The following LMTK2 variants were observed in gnomAD, a reference collection of about 807,000 sequenced individuals.
LMTK2 encodes serine/threonine-protein kinase LMTK2.
Under a neutral mutation model 127.5 loss-of-function variants are expected in LMTK2, and 37 were observed. The ratio of observed to expected loss-of-function variants is 0.29; its 90% confidence interval spans 0.22 to 0.38. The LOEUF (loss-of-function observed/expected upper bound fraction) is 0.38. Among genes scored for constraint, LMTK2 ranks in the 10% least tolerant of loss-of-function variants. The pLI, the probability that LMTK2 is intolerant of heterozygous loss-of-function variation, is 1.00. For synonymous variants in LMTK2, 819 were observed against 810.1 expected (o/e 1.01, Z -0.19); for missense variants, 1,694 against 1,920.3 (o/e 0.88, Z 2.20).
Position 98,205,579 on chromosome 7 carries a change from C to A in LMTK2, c.*87C>A. ...CTCAGCCCGAGCAGCGACATCCACTCGCCATTTGCTGACATGAGATTGGGA... is the reference window on the plus strand; with the variant it reads ...CTCAGCCCGAGCAGCGACATCCACTAGCCATTTGCTGACATGAGATTGGGA... On this transcript the variant is annotated 3_prime_UTR_variant, in exon 14 of 14. Transcript: ENST00000297293. The A allele has an allele frequency of 1.5e-6, 2 of 1,374,366 alleles. No individual in the cohort carries two copies. The highest frequency in any genetic ancestry group is 1.2e-5 in the South Asian group (1 of 84,414). The allele number at this position is 1,374,366 out of a possible 1,614,324, so 85.1% of individuals were successfully genotyped here.
intron 9 of LMTK2, 68 bp from the exon 10 acceptor site, chr7:98,190,660 A>C: frequency 7.0e-7 from 1 of 1,423,712 alleles, no homozygotes; most frequent in Non-Finnish European, 9.9e-7. Context: ...TGGCTATGTA[A>C]CAAGTATGAG....
intron 1 of LMTK2, among the ~76,000 whole-genome samples, chr7:98,125,632 G>T (rs997235200): frequency 6.6e-6 from 1 of 152,158 alleles, no homozygotes; most frequent in African/African-American, 2.4e-5. Context: ...CTGGATACCT[G>T]AGTATCTGGA....
In LMTK2 at chr7:98,148,752, G is replaced by T. The variant is rs1198115367; in HGVS notation, c.377-2630G>T. The stretch of plus-strand genomic sequence containing the variant: ...GTCTAGGTCTTTGCAGATTGACTCT[G>T]CTGGGGCACTCCTTCAACACCTAGC... On this transcript the variant is annotated intron_variant, in intron 3 of 13. Transcript: ENST00000297293. Among the ~76,000 whole-genome samples, 2 of 152,302 alleles carry T rather than the reference G, an allele frequency of 1.3e-5. 1 individual carries two copies. Among genetic ancestry groups the T allele is most frequent in the African/African-American group, 4.8e-5 (2 of 41,562 alleles).
At chr7:98,186,599 GTC>G (rs567803582) in intron 8 of LMTK2, among the ~76,000 whole-genome samples, 21 of 152,290 alleles carry the variant, frequency 1.4e-4, no homozygotes, top group African/African-American at 5.1e-4. Context: ...TTTGCTCAGA[GTC>G]TATGTTATAT....
At chr7:98,198,699 C>T (rs879459435) in intron 11 of LMTK2, among the ~76,000 whole-genome samples, 28 of 152,212 alleles carry the variant, frequency 1.8e-4, no homozygotes, top group South Asian at 2.1e-4. Context: ...AGGCTGGTCT[C>T]GAATTCCTGA....
At chr7:98,201,559 T>G (rs572588988) in intron 11 of LMTK2, among the ~76,000 whole-genome samples, 7 of 152,244 alleles carry the variant, frequency 4.6e-5, no homozygotes, top group African/African-American at 1.4e-4. Context: ...CTTTCAGCAG[T>G]TTGATTATGG....
Position 98,171,574 on chromosome 7 carries a change from G to T in LMTK2, c.691G>T (p.Glu231Ter). Residue 231 changes from glutamate to a stop codon, truncating the protein, a stop_gained, in exon 7 of 14, where the codon GAG becomes TAG. Coordinates refer to ENST00000297293, the MANE Select transcript of LMTK2 (RefSeq NM_014916.4). LOFTEE classifies it high-confidence loss of function. This position sits in a 1 kb window ranked among gnomAD's most constrained non-coding sequence, Gnocchi z 5.1. ...GAAGGCGTATCTGCGCAGCGAGCAG[G>T]AGCACATGCGGGGGGACTCACAGAC... ...DLKAYLRSEQEHMRGDSQTML... is the reference protein window; with the variant it reads ...DLKAYLRSEQ 1 of 1,613,902 alleles carries T rather than the reference G, an allele frequency of 6.2e-7. No individual in the cohort carries two copies. The highest frequency in any genetic ancestry group is 8.5e-7 in the Non-Finnish European group (1 of 1,180,014).
At chr7:98,177,567 A>G (rs1295098892) in intron 7 of LMTK2, among the ~76,000 whole-genome samples, 1 of 152,208 alleles carries the variant, frequency 6.6e-6, no homozygotes, top group Admixed American at 6.5e-5. Flanking sequence ...TGGCACGATC[A>G]TGGCTCACTT....
chr7:98,109,288 A>T (rs763014153), intron 1 of LMTK2, among the ~76,000 whole-genome samples: 7 of 152,252 alleles, frequency 4.6e-5, no homozygotes, highest in Non-Finnish European at 1.0e-4. Flanking sequence ...AAATAGAGAT[A>T]TCAAATCTTG....
chr7:98,173,115 A>G (rs746062434), intron 7 of LMTK2, among the ~76,000 whole-genome samples: 9 of 152,140 alleles, frequency 5.9e-5, no homozygotes, highest in Non-Finnish European at 1.0e-4. Context: ...GTGTGATTCC[A>G]TTTCTTAAGT....
rs1425421608 is a variant in LMTK2, at chr7:98,209,428, C to CA, written c.*3937dup. 6.6e-6 allele frequency: 1 copy of CA among 152,308 alleles called. No homozygotes were observed. Among genetic ancestry groups the CA allele is most frequent in the African/African-American group, 2.4e-5 (1 of 41,556 alleles). 9.4% of individuals were successfully genotyped at this position (152,308 alleles called of 1,614,324 possible). A position where few individuals can be genotyped will look rare whatever the true frequency, so the allele number is the denominator to read the frequency against. On this transcript the variant is annotated 3_prime_UTR_variant, in exon 14 of 14. Transcript: ENST00000297293. ...CAGAGGAGGACGTAGGGGGCCGTCA[C>CA]ACCCACCAGGCCTCCCTGCTGTGCT...
At chr7:98,198,291 A>AGCAATTCTCCTGCCTCCAC (rs1797659037) in intron 11 of LMTK2, among the ~76,000 whole-genome samples, 2 of 151,886 alleles carry the variant, frequency 1.3e-5, no homozygotes. Flanking sequence ...CCCGCGTTCA[A>AGCAATTCTCCTGCCTCCAC]GCAATTCTCC....
chr7:98,191,540 A>C, intron 10 of LMTK2, 74 bp from the exon 11 acceptor site: 1 of 1,247,604 alleles, frequency 8.0e-7, no homozygotes, highest in Non-Finnish European at 1.1e-6. Context: ...TGACAGAGCA[A>C]GACTCCGTCT....
At chr7:98,129,617 C>G (rs1796493674) in intron 1 of LMTK2, among the ~76,000 whole-genome samples, 1 of 151,832 alleles carries the variant, frequency 6.6e-6, no homozygotes, top group East Asian at 1.9e-4. Flanking sequence ...CCTCCTACCT[C>G]AGCCTCCCAA....
rs1175240383 is a variant in LMTK2, at chr7:98,154,831, A to C, written c.524A>C (p.Asn175Thr). ...VIVKELKASA[N>T]PKEQDTFLKN... is the part of the protein sequence containing the mutation. ...GTGAAGGAGTTAAAAGCAAGTGCCA[A>C]CCCAAAGGAACAAGATACTTTTTTG... The change falls in exon 5 of 14, where the codon AAC becomes ACC. Residue 175 changes from asparagine (N) to threonine (T), a missense_variant. Asn to Thr is a moderately conservative substitution (Grantham distance 65). Transcript: ENST00000297293. 6.2e-7 allele frequency: 1 copy of C among 1,613,578 alleles called. No homozygotes were observed.
Position 98,155,898 on chromosome 7 carries a change from C to T in LMTK2, c.569+1022C>T, listed in dbSNP as rs149088795. 3.2e-3 allele frequency among the ~76,000 whole-genome samples: 494 copies of T among 152,060 alleles called. 2 individuals carry two copies. The highest frequency in any genetic ancestry group is 6.8e-3 in the Middle Eastern group (2 of 292). On this transcript the variant is annotated intron_variant, in intron 5 of 13. Transcript: ENST00000297293. ...GTATCATCAAAATTAAAAACATTTG[C>T]GTTGTGATAGACCTTGGTAACAGTG... is the stretch of plus-strand genomic sequence containing the variant.
chr7:98,108,593 G>A (rs1398571362), intron 1 of LMTK2, among the ~76,000 whole-genome samples: 2 of 152,180 alleles, frequency 1.3e-5, no homozygotes, highest in Admixed American at 1.3e-4. Flanking sequence ...TAGATAAGAA[G>A]AGTAAATGTT....
intron 11 of LMTK2, among the ~76,000 whole-genome samples, chr7:98,197,418 G>C (rs1216670431): frequency 6.6e-6 from 1 of 152,244 alleles, no homozygotes; most frequent in Admixed American, 6.5e-5. Flanking sequence ...ACAATCTGCA[G>C]CCTGGCATCG....
At chr7:98,130,793 C>T (rs1297882269) in intron 1 of LMTK2, among the ~76,000 whole-genome samples, 1 of 152,198 alleles carries the variant, frequency 6.6e-6, no homozygotes, top group East Asian at 1.9e-4. Context: ...CCTGCTGCCA[C>T]CTTGATCTTG....
Sources: gnomAD v4.1 joint callset for allele counts (sites outside exome capture counted in the v4.1 genomes callset) on GRCh38, gnomAD v4.1.1 for gene constraint, Gnocchi (gnomAD v3.1) non-coding constraint, MANE v1.5 for transcripts, NCBI Gene and HGNC (gene_info 2026-07-23, HGNC 2026-07-21) for gene names.